Variants in UGT1A10 observed in about 807,000 individuals in gnomAD.
UGT1A10 encodes the protein UDP glucuronosyltransferase family 1 member A10.
UGT1A10 carries 49 observed loss-of-function variants against 45.8 expected under a neutral mutation model. That is an observed-to-expected ratio of 1.07 (90% CI 0.85 to 1.36). UGT1A10 has a LOEUF of 1.36. Ranked by LOEUF, UGT1A10 falls within the 40% of genes most tolerant of loss-of-function variation. The pLI, the probability that UGT1A10 is intolerant of heterozygous loss-of-function variation, is 0.00. For missense variants in UGT1A10, 745 were observed against 668.6 expected (o/e 1.11, Z -1.26); for synonymous variants, 284 against 249.7 (o/e 1.14, Z -1.29).
chr2:233,752,969 A>G (rs553949581), intron 1 of UGT1A10, among the ~76,000 whole-genome samples: 2 of 152,310 alleles, frequency 1.3e-5, no homozygotes, highest in Non-Finnish European at 2.9e-5. Context: ...TATGTAACCA[A>G]TTGTGTAGAT....
At position 233,767,137 on chromosome 2, in the gene UGT1A10, C is replaced by T. The variant is rs761316504; in HGVS notation, c.959C>T (p.Ala320Val). The T allele has an allele frequency of 3.1e-6, 5 of 1,614,108 alleles. No homozygotes were observed. The highest frequency in any genetic ancestry group is 1.7e-5 in the Admixed American group (1 of 60,028). Reference protein sequence around the residue: ...EIPEKKAMAIADALGKIPQTV... With the variant: ...EIPEKKAMAIVDALGKIPQTV... ...CCAGAGAAGAAAGCTATGGCAATTGCTGATGCTTTGGGCAAAATCCCTCAG... is the reference window on the plus strand; with the variant it reads ...CCAGAGAAGAAAGCTATGGCAATTGTTGATGCTTTGGGCAAAATCCCTCAG... The change falls in exon 2 of 5, where the codon GCT becomes GTT. Residue 320 changes from alanine (A) to valine (V), a missense_variant. Coordinates refer to ENST00000344644, the MANE Select transcript of UGT1A10 (RefSeq NM_019075.4).
Position 233,769,147 on chromosome 2 carries a change from G to A in UGT1A10, c.1295+708G>A, listed in dbSNP as rs1297167698. 6.6e-6 allele frequency among the ~76,000 whole-genome samples: 1 copy of A among 152,116 alleles called. No homozygotes were observed. The highest frequency in any genetic ancestry group is 2.4e-5 in the African/African-American group (1 of 41,410). On this transcript the variant is annotated intron_variant, in intron 4 of 4. Transcript: ENST00000344644. This position sits in a 1 kb window ranked among gnomAD's most constrained non-coding sequence, Gnocchi z 4.4. ...AGAAGTACAGCTTTTTGCAGCACTG[G>A]AACCTGTGAGAAATTTTGTCCATGG...
At chr2:233,719,653 G>T in intron 1 of UGT1A10, 1 of 1,614,078 alleles carries the variant, frequency 6.2e-7, no homozygotes, top group Non-Finnish European at 8.5e-7. Context: ...TTCATTGGGG[G>T]CATCAACTGT....
Position 233,765,767 on chromosome 2 carries a change from G to A in UGT1A10, c.856-1267G>A, listed in dbSNP as rs142459833. Among the ~76,000 whole-genome samples, 585 of 151,822 alleles carry A rather than the reference G, an allele frequency of 3.9e-3. 2 individuals are homozygous for A. The highest frequency in any genetic ancestry group is 0.014 in the African/African-American group (559 of 41,374). On this transcript the variant is annotated intron_variant, in intron 1 of 4. Coordinates refer to ENST00000344644, the MANE Select transcript of UGT1A10 (RefSeq NM_019075.4). ...TAAAGCCATTTGAGAGATTCTTGGG[G>A]GATTCATTGGACCACTGAAAATCTA...
At chr2:233,751,684 G>T (rs1056105452) in intron 1 of UGT1A10, among the ~76,000 whole-genome samples, 7 of 152,138 alleles carry the variant, frequency 4.6e-5, no homozygotes, top group Non-Finnish European at 1.0e-4. Flanking sequence ...AGAGCTGATG[G>T]TTTTATAAGG....
intron 1 of UGT1A10, chr2:233,672,110 T>C: frequency 6.2e-7 from 1 of 1,614,178 alleles, no homozygotes; most frequent in Non-Finnish European, 8.5e-7. Context: ...GTTGTAGTCA[T>C]GCCAGAGGTG....
intron 1 of UGT1A10, chr2:233,672,690 G>C (rs17863776): frequency 1.2e-6 from 2 of 1,613,782 alleles, no homozygotes; most frequent in Non-Finnish European, 8.5e-7. Context: ...CAATTTGGTT[G>C]TTGCGAACGG....
chr2:233,683,479 T>G (rs2074636324), intron 1 of UGT1A10, among the ~76,000 whole-genome samples: 2 of 152,142 alleles, frequency 1.3e-5, no homozygotes, highest in African/African-American at 4.8e-5. Context: ...ATTTTCATAT[T>G]TTTGCTTTTA....
intron 1 of UGT1A10, among the ~76,000 whole-genome samples, chr2:233,765,948 C>T (rs1314751958): frequency 6.6e-6 from 1 of 152,116 alleles, no homozygotes; most frequent in African/African-American, 2.4e-5. Context: ...GCTCTGACCT[C>T]ACCGGCAGTG....
At chr2:233,744,436 C>G (rs183534266) in intron 1 of UGT1A10, among the ~76,000 whole-genome samples, 10 of 151,926 alleles carry the variant, frequency 6.6e-5, no homozygotes. Context: ...ATCTATCATA[C>G]GTACTGCATT....
At chr2:233,661,730 G>T (rs753647964) in intron 1 of UGT1A10, among the ~76,000 whole-genome samples, 5 of 125,188 alleles carry the variant, frequency 4.0e-5, no homozygotes, top group Non-Finnish European at 6.6e-5. Flanking sequence ...TTTAATGATC[G>T]CCAACCACAG....
intron 1 of UGT1A10, among the ~76,000 whole-genome samples, chr2:233,640,030 T>G (rs1038202540): frequency 7.9e-5 from 12 of 152,224 alleles, no homozygotes; most frequent in Admixed American, 7.9e-4. Flanking sequence ...TAGGTGCAGC[T>G]CTGCAGACCT....
intron 1 of UGT1A10, among the ~76,000 whole-genome samples, chr2:233,673,747 A>G (rs572226179): frequency 4.6e-5 from 7 of 152,300 alleles, no homozygotes; most frequent in Admixed American, 2.0e-4. Context: ...CATGTAACTG[A>G]CTATGGGTAA....
chr2:233,715,390 T>C (rs1242817087), intron 1 of UGT1A10, among the ~76,000 whole-genome samples: 1 of 152,222 alleles, frequency 6.6e-6, no homozygotes, highest in African/African-American at 2.4e-5. Flanking sequence ...GCTGTTATCA[T>C]TAAATAATAA....
chr2:233,758,735 C>T (rs1420217475), intron 1 of UGT1A10, among the ~76,000 whole-genome samples: 1 of 152,162 alleles, frequency 6.6e-6, no homozygotes, highest in Admixed American at 6.5e-5. Context: ...AGCACATCCC[C>T]AAGTATGGCT....
At chr2:233,770,350 T>C (rs1700063045) in intron 4 of UGT1A10, 1 of 152,104 alleles carries the variant, frequency 6.6e-6, no homozygotes, top group Non-Finnish European at 1.5e-5. Flanking sequence ...CAATTACTAT[T>C]GAATGAATGA....
intron 1 of UGT1A10, chr2:233,743,388 GCA>G (rs1174910431): frequency 8.1e-7 from 1 of 1,233,944 alleles, no homozygotes; most frequent in Non-Finnish European, 1.1e-6. Context: ...CGTAGGACAT[GCA>G]GAAGGAAGAA....
intron 1 of UGT1A10, chr2:233,729,152 T>G: frequency 1.2e-6 from 2 of 1,613,556 alleles, no homozygotes. Context: ...CAGGTTCCCC[T>G]GCCGTGGCTG....
At chr2:233,755,646 G>A (rs1240330219) in intron 1 of UGT1A10, 4 of 157,058 alleles carry the variant, frequency 2.5e-5, no homozygotes, top group Admixed American at 2.5e-4. Context: ...CTTTTTCCTC[G>A]GCCACAGGAG....
Sources: gnomAD v4.1 joint callset for allele counts (sites outside exome capture counted in the v4.1 genomes callset) on GRCh38, gnomAD v4.1.1 for gene constraint, Gnocchi (gnomAD v3.1) non-coding constraint, MANE v1.5 for transcripts, NCBI Gene and HGNC (gene_info 2026-07-23, HGNC 2026-07-21) for gene names.